The following DSCAM variants were observed in gnomAD, a reference collection of about 807,000 sequenced individuals.
The protein encoded by DSCAM is DS cell adhesion molecule.
In DSCAM, 47 loss-of-function variants were observed where a neutral mutation model predicts 217.7. The observed-to-expected ratio is 0.22, with a 90% CI of 0.17 to 0.28. DSCAM has a LOEUF of 0.28. DSCAM is among the 10% of genes least tolerant of loss of function. DSCAM has a pLI of 1.00. For missense variants in DSCAM, 2,080 were observed against 2,618.3 expected (o/e 0.79, Z 4.49); for synonymous variants, 1,056 against 1,015.3 (o/e 1.04, Z -0.76).
chr21:40,729,810 G>A (rs1208630257), intron 1 of DSCAM, among the ~76,000 whole-genome samples: 1 of 152,126 alleles, frequency 6.6e-6, no homozygotes, highest in Non-Finnish European at 1.5e-5. Context: ...CCAGATCCAT[G>A]GTGAAAATGT....
intron 3 of DSCAM, among the ~76,000 whole-genome samples, chr21:40,409,876 C>T (rs1253434782): frequency 6.6e-6 from 1 of 152,044 alleles, no homozygotes; most frequent in Non-Finnish European, 1.5e-5. Context: ...AACTGTCCAA[C>T]AATATTGAAA....
At chr21:40,363,035 A>G (rs1272237850) in intron 4 of DSCAM, among the ~76,000 whole-genome samples, 2 of 151,918 alleles carry the variant, frequency 1.3e-5, no homozygotes, top group Non-Finnish European at 2.9e-5. Flanking sequence ...CATGTTTCAG[A>G]CTCACCTCAG....
At chr21:40,687,334 C>A (rs1035571935) in intron 3 of DSCAM, among the ~76,000 whole-genome samples, 1 of 152,090 alleles carries the variant, frequency 6.6e-6, no homozygotes, top group African/African-American at 2.4e-5. Flanking sequence ...TAATGTTTAT[C>A]TCATTCCTTT....
At chr21:40,221,801 T>C (rs533314677) in intron 11 of DSCAM, among the ~76,000 whole-genome samples, 43 of 152,304 alleles carry the variant, frequency 2.8e-4, no homozygotes, top group African/African-American at 9.9e-4. Flanking sequence ...CACTTCAGCA[T>C]GTCCTTGACT....
At chr21:40,667,691 T>C (rs534784700) in intron 3 of DSCAM, among the ~76,000 whole-genome samples, 18 of 152,178 alleles carry the variant, frequency 1.2e-4, no homozygotes, top group African/African-American at 4.1e-4. Flanking sequence ...TAACTGATGG[T>C]TTTATAAGGG....
At chr21:40,156,319 GAGAGA>G (rs2090477961) in intron 16 of DSCAM, among the ~76,000 whole-genome samples, 1 of 149,446 alleles carries the variant, frequency 6.7e-6, no homozygotes, top group African/African-American at 2.5e-5. Context: ...GAGAGAGAGA[GAGAGA>G]GAGAGAGAGA....
At chr21:40,662,381 T>C (rs2090148181) in intron 3 of DSCAM, among the ~76,000 whole-genome samples, 1 of 152,218 alleles carries the variant, frequency 6.6e-6, no homozygotes, top group Non-Finnish European at 1.5e-5. Context: ...CCGTGCTTTA[T>C]ATTGAGACTG....
chr21:40,662,385 G>A (rs185179813), intron 3 of DSCAM, among the ~76,000 whole-genome samples: 3 of 152,092 alleles, frequency 2.0e-5, no homozygotes, highest in African/African-American at 7.2e-5. Flanking sequence ...GCTTTATATT[G>A]AGACTGGCAT....
At chr21:40,495,809 A>C (rs1383437785) in intron 3 of DSCAM, among the ~76,000 whole-genome samples, 1 of 152,182 alleles carries the variant, frequency 6.6e-6, no homozygotes, top group Non-Finnish European at 1.5e-5. Flanking sequence ...AACTATTAGA[A>C]CTAATAGATA....
chr21:40,615,281 CAAA>C (rs34306422), intron 3 of DSCAM: 2 of 84,042 alleles, frequency 2.4e-5, no homozygotes, highest in Non-Finnish European at 4.7e-5. Flanking sequence ...GACTCTGTCT[CAAA>C]AAAAAAAAAA....
intron 1 of DSCAM, among the ~76,000 whole-genome samples, chr21:40,754,734 G>A (rs1323929157): frequency 6.6e-6 from 1 of 152,176 alleles, no homozygotes; most frequent in East Asian, 1.9e-4. Flanking sequence ...CAGGCTCCAG[G>A]CAGGCACCAA....
intron 18 of DSCAM, among the ~76,000 whole-genome samples, chr21:40,136,854 A>G (rs2090214841): frequency 6.6e-6 from 1 of 152,104 alleles, no homozygotes; most frequent in African/African-American, 2.4e-5. Flanking sequence ...GAGAAGGACA[A>G]CCTGGCCTCT....
At chr21:40,612,308 C>T (rs1447687616) in intron 3 of DSCAM, among the ~76,000 whole-genome samples, 1 of 152,166 alleles carries the variant, frequency 6.6e-6, no homozygotes, top group African/African-American at 2.4e-5. Flanking sequence ...GTCCTGAGAT[C>T]TCCAAGTTCG....
chr21:40,167,793 A>G (rs9981851), intron 15 of DSCAM, among the ~76,000 whole-genome samples: 92,044 of 152,044 alleles, frequency 0.61, 28,542 homozygotes, highest in African/African-American at 0.73. Flanking sequence ...GTGGCCGGGC[A>G]CGGTGGCTCA....
intron 3 of DSCAM, among the ~76,000 whole-genome samples, chr21:40,410,327 C>A (rs945227460): frequency 6.6e-6 from 1 of 151,146 alleles, no homozygotes. Context: ...AGAAAAAGAA[C>A]CAGATAAAAA....
intron 11 of DSCAM, among the ~76,000 whole-genome samples, chr21:40,190,964 A>G (rs544671175): frequency 6.6e-6 from 1 of 152,324 alleles, no homozygotes; most frequent in African/African-American, 2.4e-5. Context: ...AAGGTTTGAA[A>G]ATTCATCAAA....
intron 11 of DSCAM, among the ~76,000 whole-genome samples, chr21:40,235,875 A>T (rs1031582949): frequency 6.6e-6 from 1 of 152,210 alleles, no homozygotes; most frequent in African/African-American, 2.4e-5. Flanking sequence ...TGTATCATCA[A>T]CGGGACTAAG....
chr21:40,423,714 A>C (rs950840386), intron 3 of DSCAM, among the ~76,000 whole-genome samples: 1 of 152,096 alleles, frequency 6.6e-6, no homozygotes, highest in Non-Finnish European at 1.5e-5. Flanking sequence ...GGAGGCAAGA[A>C]TTGGTGTTGC....
intron 16 of DSCAM, among the ~76,000 whole-genome samples, chr21:40,162,475 G>A (rs904345505): frequency 1.3e-5 from 2 of 152,146 alleles, no homozygotes; most frequent in African/African-American, 4.8e-5. Context: ...TTTATTAAAC[G>A]ATGACTACGG....
Sources: allele counts gnomAD v4.1 joint callset (sites outside exome capture counted in the v4.1 genomes callset), GRCh38; gene constraint gnomAD v4.1.1; transcripts MANE v1.5; gene names NCBI Gene and HGNC (gene_info 2026-07-23, HGNC 2026-07-21).